CD99: variants seen among roughly 807,000 people sequenced by gnomAD.
CD99 encodes CD99 molecule (Xg blood group), also known as CD99 antigen.
CD99 carries 19 observed loss-of-function variants against 28.4 expected under a neutral mutation model. That is an observed-to-expected ratio of 0.67 (90% CI 0.47 to 0.98). The LOEUF (loss-of-function observed/expected upper bound fraction) is 0.98, where lower values mean the gene tolerates loss of function less well. CD99 is among the 50% of genes least tolerant of loss of function. The pLI is 0.00. For missense variants in CD99, 283 were observed against 248.8 expected, an observed-to-expected ratio of 1.14 and a Z score of -0.92; for synonymous variants, 103 against 92.1, an observed-to-expected ratio of 1.12 and a Z score of -0.67.
intron 1 of CD99, among the ~76,000 whole-genome samples, chrX:2,709,324 A>G (rs1055556376): frequency 6.6e-6 from 1 of 152,222 alleles, no homozygotes; most frequent in African/African-American, 2.4e-5. Context: ...ATACTCCTGC[A>G]GTGCACATGC....
intron 1 of CD99, among the ~76,000 whole-genome samples, chrX:2,710,172 A>G (rs2048331047): frequency 1.7e-5 from 1 of 57,506 alleles, no homozygotes; most frequent in African/African-American, 6.7e-5. Context: ...CTGGGAGGAG[A>G]GTTCTAGTTT....
At chrX:2,709,639 G>A (rs751165758) in intron 1 of CD99, among the ~76,000 whole-genome samples, 1 of 152,224 alleles carries the variant, frequency 6.6e-6, no homozygotes, top group African/African-American at 2.4e-5. Context: ...GAATGCATGA[G>A]CACGCGTATA....
chrX:2,714,033 G>C (rs1275305850), intron 1 of CD99, among the ~76,000 whole-genome samples: 2 of 151,860 alleles, frequency 1.3e-5, no homozygotes, highest in Non-Finnish European at 2.9e-5. Context: ...CTATATTTTG[G>C]TTTGTAATTA....
intron 6 of CD99, 114 bp downstream of exon 6, chrX:2,722,788 T>C (rs2049061460): frequency 9.0e-7 from 1 of 1,109,674 alleles, no homozygotes; most frequent in African/African-American, 1.5e-5. Flanking sequence ...CACAGTGAAA[T>C]GTTCAGCCAT....
intron 1 of CD99, among the ~76,000 whole-genome samples, chrX:2,703,130 C>T (rs1219808588): frequency 6.6e-6 from 1 of 152,126 alleles, no homozygotes; most frequent in Non-Finnish European, 1.5e-5. Flanking sequence ...AGCTGAGGTT[C>T]AACAAAGCCA....
At chrX:2,717,018 G>T (rs1389070635) in intron 2 of CD99, among the ~76,000 whole-genome samples, 1 of 152,070 alleles carries the variant, frequency 6.6e-6, no homozygotes, top group Non-Finnish European at 1.5e-5. Context: ...TGCCTTCCTG[G>T]CTTATGTCTC....
intron 8 of CD99, among the ~76,000 whole-genome samples, chrX:2,730,553 A>T (rs2049546114): frequency 6.6e-6 from 1 of 152,084 alleles, no homozygotes; most frequent in African/African-American, 2.4e-5. Context: ...TACTAATGAG[A>T]TGCTAGGCTA....
chrX:2,734,635 T>G (rs1199145726), intron 8 of CD99, among the ~76,000 whole-genome samples: 4 of 151,274 alleles, frequency 2.6e-5, no homozygotes. Context: ...TTTTTTTCTC[T>G]TATTTCTTTT....
At chrX:2,703,059 G>C (rs1350281075) in intron 1 of CD99, among the ~76,000 whole-genome samples, 1 of 152,136 alleles carries the variant, frequency 6.6e-6, no homozygotes, top group African/African-American at 2.4e-5. Context: ...AAAATGCTGG[G>C]ATTACAGGCG....
chrX:2,702,692 T>C (rs976372355), intron 1 of CD99, among the ~76,000 whole-genome samples: 1 of 152,208 alleles, frequency 6.6e-6, no homozygotes, highest in Non-Finnish European at 1.5e-5. Flanking sequence ...CACTGTGGTA[T>C]TAAACCCAGG....
At chrX:2,723,273 C>G in intron 6 of CD99, 41 bp from the exon 7 acceptor site, 1 of 1,611,064 alleles carries the variant, frequency 6.2e-7, no homozygotes, top group Non-Finnish European at 8.5e-7. Context: ...TTTTCCTTGA[C>G]CCCAAACCTT....
At chrX:2,724,680 G>A (rs1380457979) in intron 7 of CD99, among the ~76,000 whole-genome samples, 2 of 152,044 alleles carry the variant, frequency 1.3e-5, no homozygotes, top group East Asian at 3.9e-4. Flanking sequence ...CAAGGTGGGT[G>A]GATCACTTGA....
intron 1 of CD99, among the ~76,000 whole-genome samples, chrX:2,696,270 G>A (rs1458161420): frequency 6.6e-6 from 1 of 152,178 alleles, no homozygotes; most frequent in Non-Finnish European, 1.5e-5. Flanking sequence ...GCTGTCTTCC[G>A]TGCTTCACCT....
intron 5 of CD99, 29 bp downstream of exon 5, chrX:2,720,453 T>C: frequency 6.3e-7 from 1 of 1,594,706 alleles, no homozygotes; most frequent in African/African-American, 1.3e-5. Flanking sequence ...GTGGGATGTC[T>C]TCATGTTGTT....
chrX:2,708,227 C>G (rs1045640820), intron 1 of CD99, among the ~76,000 whole-genome samples: 6 of 152,258 alleles, frequency 3.9e-5, no homozygotes, highest in Admixed American at 3.9e-4. Flanking sequence ...AGATTAGCCT[C>G]AGAGGTGTCT....
rs2047274571 is a variant in CD99 at position 2,691,377 on chromosome X, C to T, written c.17C>T (p.Ala6Val). ...GGGCGCACCATGGCCCGCGGGGCTG[C>T]GCTGGCGCTGCTGCTCTTCGGCCTG... is the stretch of plus-strand genomic sequence containing the variant. MARGA[A>V]LALLLFGLLG... The change falls in exon 1 of 10, where the codon GCG (alanine) becomes GTG (valine). Residue 6 changes from alanine to valine, a missense_variant. Transcript: ENST00000381192. The T allele has an allele frequency of 1.3e-6, 2 of 1,577,426 alleles. No homozygotes were observed. The highest frequency in any genetic ancestry group is 1.7e-5 in the Admixed American group (1 of 58,020).
chrX:2,718,455 G>C (rs757379135), intron 3 of CD99, among the ~76,000 whole-genome samples: 1 of 150,442 alleles, frequency 6.6e-6, no homozygotes, highest in Non-Finnish European at 1.5e-5. Flanking sequence ...TGCAAGCTCC[G>C]CTTCCTGGGT....
intron 1 of CD99, among the ~76,000 whole-genome samples, chrX:2,703,327 A>G (rs927176128): frequency 1.3e-5 from 2 of 152,126 alleles, no homozygotes; most frequent in Non-Finnish European, 2.9e-5. Flanking sequence ...TCACGGGGAA[A>G]ATACACATTT....
intron 1 of CD99, among the ~76,000 whole-genome samples, chrX:2,701,491 A>G (rs1286852414): frequency 6.6e-6 from 1 of 152,234 alleles, no homozygotes; most frequent in African/African-American, 2.4e-5. Flanking sequence ...ACACTTGTTC[A>G]GGGGGTCAGA....
Sources: allele counts gnomAD v4.1 joint callset (sites outside exome capture counted in the v4.1 genomes callset), GRCh38; gene constraint gnomAD v4.1.1; transcripts MANE v1.5; gene names NCBI Gene and HGNC (gene_info 2026-07-23, HGNC 2026-07-21).